Variants in ZNF536 observed in about 807,000 individuals in gnomAD.
The protein encoded by ZNF536 is zinc finger protein 536.
ZNF536 carries 13 observed loss-of-function variants against 84.5 expected under a neutral mutation model. That is an observed-to-expected ratio of 0.15 (90% CI 0.10 to 0.24). The LOEUF (loss-of-function observed/expected upper bound fraction) is 0.24, where lower values mean the gene tolerates loss of function less well. Among genes scored for constraint, ZNF536 ranks in the 10% least tolerant of loss-of-function variants. The pLI, the probability that ZNF536 is intolerant of heterozygous loss-of-function variation, is 1.00. For missense variants in ZNF536, 1,536 were observed against 1,747.5 expected (o/e 0.88, Z 2.16); for synonymous variants, 811 against 742.5 (o/e 1.09, Z -1.50).
At position 30,294,852 on chromosome 19, in the gene ZNF536, G is replaced by A. The variant is rs552290372; in HGVS notation, c.-120+10711G>A. On this transcript the variant is annotated intron_variant, in intron 2 of 5. Transcript: ENST00000585628. ...AAGCTTGTGAGGGAGGTTGAGGCAG[G>A]CATGCATAGATGGAGGCTGCATAGG... 8.5e-5 allele frequency among the ~76,000 whole-genome samples: 13 copies of A among 152,312 alleles called. No homozygotes were observed. The South Asian group carries it at 2.5e-3, about 29-fold the overall frequency.
chr19:30,586,950 G>A (rs1210268865), intron 1 of ZNF536, among the ~76,000 whole-genome samples: 1 of 152,204 alleles, frequency 6.6e-6, no homozygotes, highest in Non-Finnish European at 1.5e-5. Flanking sequence ...AAAATGATTT[G>A]CAGTGATATA....
intron 1 of ZNF536, among the ~76,000 whole-genome samples, chr19:30,686,443 C>G (rs2051185495): frequency 6.6e-6 from 1 of 152,184 alleles, no homozygotes; most frequent in Admixed American, 6.5e-5. Context: ...TGTGTGTGTG[C>G]ACACCCAGGG....
intron 1 of ZNF536, among the ~76,000 whole-genome samples, chr19:30,568,329 T>A (rs1267004250): frequency 6.6e-6 from 1 of 152,218 alleles, no homozygotes; most frequent in Non-Finnish European, 1.5e-5. Flanking sequence ...ATTTTCCACC[T>A]CACGAGACCT....
rs535989102 is a variant in ZNF536 at position 30,404,247 on chromosome 19, G to C, written c.-3+31691G>C. Among the ~76,000 whole-genome samples the C allele has an allele frequency of 3.9e-5, 6 of 152,210 alleles. No homozygotes were observed. In the South Asian group the frequency reaches 6.2e-4, roughly 16 times the overall value. ...CCTTCAAGAGGCTTCTAGTCTGGGC[G>C]CAGAGCCCAGACTCCCCAAGGAAAT... is the stretch of plus-strand genomic sequence containing the variant. On this transcript the variant is annotated intron_variant, in intron 1 of 4. Coordinates refer to ENST00000355537, the MANE Select transcript of ZNF536 (RefSeq NM_014717.3).
chr19:30,602,530 T>C (rs913005072), intron 1 of ZNF536, among the ~76,000 whole-genome samples: 4 of 152,212 alleles, frequency 2.6e-5, no homozygotes, highest in African/African-American at 9.6e-5. Flanking sequence ...AATATTGTTA[T>C]TCTCTCCAAG....
intron 1 of ZNF536, among the ~76,000 whole-genome samples, chr19:30,593,055 C>T (rs1220820448): frequency 2.0e-5 from 3 of 152,210 alleles, no homozygotes; most frequent in Admixed American, 6.5e-5. Flanking sequence ...TTCGTGCAAA[C>T]GCTGTCAGGT....
At chr19:30,687,598 A>T (rs1257328636) in intron 1 of ZNF536, among the ~76,000 whole-genome samples, 3 of 152,166 alleles carry the variant, frequency 2.0e-5, no homozygotes, top group African/African-American at 7.2e-5. Flanking sequence ...TTCACTTTCA[A>T]CCTATGAGCT....
At chr19:30,316,445 T>C (rs1443989695) in intron 2 of ZNF536, among the ~76,000 whole-genome samples, 2 of 152,218 alleles carry the variant, frequency 1.3e-5, no homozygotes, top group African/African-American at 4.8e-5. Flanking sequence ...TGTTTTCCTA[T>C]TTTTCTATTT....
intron 1 of ZNF536, among the ~76,000 whole-genome samples, chr19:30,245,653 G>A (rs2024218154): frequency 6.6e-6 from 1 of 152,256 alleles, no homozygotes; most frequent in Admixed American, 6.5e-5. Flanking sequence ...AGTGCAGAAA[G>A]AAGGTTGTCT....
chr19:30,713,458 C>A (rs1286065856), exon 2 of ZNF536: 1 of 152,058 alleles, frequency 6.6e-6, no homozygotes, highest in African/African-American at 2.4e-5. Context: ...AAAGTTTATT[C>A]TTGGTCATTA....
chr19:30,280,412 C>T lies in ZNF536; in HGVS notation c.-189-3660C>T, dbSNP rs79479806. On this transcript the variant is annotated intron_variant, in intron 1 of 5. Transcript: ENST00000585628. ...TGTCTTAACTTCCCTCCCCTACTCC[C>T]TCCCATCCACCTAGGTCCTCTGACA... 3.1e-3 allele frequency among the ~76,000 whole-genome samples: 465 copies of T among 152,332 alleles called. 1 individual carries two copies. Among genetic ancestry groups the T allele is most frequent in the African/African-American group, 0.011 (440 of 41,576 alleles).
chr19:30,426,797 A>T (rs951321050), intron 1 of ZNF536, among the ~76,000 whole-genome samples: 6 of 151,906 alleles, frequency 3.9e-5, no homozygotes, highest in Non-Finnish European at 5.9e-5. Context: ...CGGCAGGGGG[A>T]AGGTATATTT....
At chr19:30,417,185 C>G (rs2050771200) in intron 1 of ZNF536, among the ~76,000 whole-genome samples, 1 of 102,718 alleles carries the variant, frequency 9.7e-6, no homozygotes, top group Admixed American at 1.1e-4. Flanking sequence ...TTAGTAGAAA[C>G]AGGGTTTCAC....
At chr19:30,388,921 C>T (rs931604447) in intron 1 of ZNF536, among the ~76,000 whole-genome samples, 1 of 152,314 alleles carries the variant, frequency 6.6e-6, no homozygotes, top group Admixed American at 6.5e-5. Context: ...GGTGAGCTGA[C>T]CAACTGCAGA....
intron 1 of ZNF536, among the ~76,000 whole-genome samples, chr19:30,437,921 G>A (rs1235863200): frequency 2.6e-5 from 4 of 152,188 alleles, no homozygotes; most frequent in Non-Finnish European, 5.9e-5. Flanking sequence ...AAGGCCAGGG[G>A]CAAGCTGTTC....
In ZNF536 at chr19:30,674,031, G is replaced by A. The variant is rs375284726; in HGVS notation, c.170-36726G>A. 2.0e-5 allele frequency among the ~76,000 whole-genome samples: 3 copies of A among 152,176 alleles called. No homozygotes were observed. The South Asian group carries it at 6.2e-4, about 32-fold the overall frequency. Reference sequence around the variant, plus strand: ...ATCCTTCAGATGGTCAGATTTATGGGTTTGAGTATATTGCATTCATCACAG... The same window carrying A: ...ATCCTTCAGATGGTCAGATTTATGGATTTGAGTATATTGCATTCATCACAG... On this transcript the variant is annotated intron_variant, in intron 1 of 1. Coordinates refer to the ZNF536 transcript ENST00000592773.
At chr19:30,371,190 A>G (rs903893727), upstream of ZNF536, among the ~76,000 whole-genome samples, 5 of 152,260 alleles carry the variant, frequency 3.3e-5, no homozygotes, top group Non-Finnish European at 7.3e-5. Flanking sequence ...TGACACAAAA[A>G]TGACAATCTG....
intron 3 of ZNF536, among the ~76,000 whole-genome samples, chr19:30,540,255 T>C (rs1405360987): frequency 2.6e-5 from 4 of 151,632 alleles, no homozygotes; most frequent in South Asian, 4.1e-4. Flanking sequence ...ACCTGTATTC[T>C]TGTCCCTTTC....
chr19:30,396,648 G>C (rs2049834303), intron 1 of ZNF536, among the ~76,000 whole-genome samples: 1 of 146,900 alleles, frequency 6.8e-6, no homozygotes, highest in Non-Finnish European at 1.5e-5. Context: ...AGGCTGGAGT[G>C]CCACTGTAGT....
Sources: gnomAD v4.1 joint callset for allele counts (sites outside exome capture counted in the v4.1 genomes callset) on GRCh38, gnomAD v4.1.1 for gene constraint, MANE v1.5 for transcripts, NCBI Gene and HGNC (gene_info 2026-07-23, HGNC 2026-07-21) for gene names.